The following VPS54 variants were observed in gnomAD, a reference collection of about 807,000 sequenced individuals.
The protein encoded by VPS54 is vacuolar protein sorting-associated protein 54.
VPS54 carries 45 observed loss-of-function variants against 121.5 expected under a neutral mutation model. The observed-to-expected ratio is 0.37, with a 90% CI of 0.29 to 0.47. The LOEUF is 0.47. Ranked by LOEUF, VPS54 falls within the 20% of genes least tolerant of loss-of-function variation. The pLI, the probability that VPS54 is intolerant of heterozygous loss-of-function variation, is 0.99. For synonymous variants in VPS54, 371 were observed against 385.8 expected, an observed-to-expected ratio of 0.96 and a Z score of 0.45; for missense variants, 1,090 against 1,131.4, an observed-to-expected ratio of 0.96 and a Z score of 0.52.
rs1676025455 is a variant in VPS54 at position 63,966,859 on chromosome 2, A to T, written c.493-893T>A. On this transcript the variant is annotated intron_variant, in intron 5 of 22. Transcript: ENST00000272322. ...TTACAATGAGTGTATTAATACATAA[A>T]GTATGCATATCTTTACATACATACT... Among the ~76,000 whole-genome samples the T allele has an allele frequency of 2.0e-5, 3 of 152,330 alleles. No individual in the cohort carries two copies. In the South Asian group the frequency reaches 6.2e-4, roughly 32 times the overall value.
Position 63,957,200 on chromosome 2 carries a change from T to C in VPS54, c.1010+4858A>G, listed in dbSNP as rs377315220. Among the ~76,000 whole-genome samples, 10 of 152,096 alleles carry C rather than the reference T, an allele frequency of 6.6e-5. 1 individual carries two copies. In the East Asian group the frequency reaches 9.6e-4, roughly 15 times the overall value. On this transcript the variant is annotated intron_variant, in intron 7 of 22. Transcript: ENST00000272322. ...GCTCACACCTGTAATCCCAGCACTT[T>C]GGGAGGCCAAGGCGGGCGGATCACG... is the stretch of plus-strand genomic sequence containing the variant.
Position 63,909,725 on chromosome 2 carries a change from G to GTTTTTGTT in VPS54, c.2625+2619_2625+2620insAACAAAAA, listed in dbSNP as rs747731456. Among the ~76,000 whole-genome samples the GTTTTTGTT allele has an allele frequency of 2.4e-4, 28 of 115,238 alleles. 1 individual carries two copies. Among genetic ancestry groups the GTTTTTGTT allele is most frequent in the East Asian group, 5.3e-4 (2 of 3,786 alleles). 75.6% of individuals were successfully genotyped at this position (115,238 alleles called of 152,430 possible). A position where few individuals can be genotyped will look rare whatever the true frequency, so the allele number is the denominator to read the frequency against. ...AAGCGACCTCGCCTGGCCGTTTTTG[G>GTTTTTGTT]TTTTTTTTTTTTTTTTGAGACAGAG... On this transcript the variant is annotated intron_variant, in intron 20 of 22. Coordinates refer to ENST00000272322, the MANE Select transcript of VPS54 (RefSeq NM_016516.3).
At chr2:63,920,172 C>A (rs1377365227) in intron 14 of VPS54, among the ~76,000 whole-genome samples, 177 bp from the exon 15 acceptor site, 2 of 152,008 alleles carry the variant, frequency 1.3e-5, no homozygotes, top group African/African-American at 4.8e-5. Context: ...TCAGCCTAAT[C>A]AAAAAGAATG....
chr2:63,908,006 TATA>T (rs1209589239), intron 20 of VPS54, among the ~76,000 whole-genome samples: 2 of 152,200 alleles, frequency 1.3e-5, no homozygotes, highest in African/African-American at 4.8e-5. Context: ...TGCAGTTTCT[TATA>T]AAGTTACCAT....
chr2:63,941,873 A>C (rs968909470), intron 11 of VPS54, among the ~76,000 whole-genome samples: 6 of 151,944 alleles, frequency 3.9e-5, no homozygotes, highest in African/African-American at 1.5e-4. Flanking sequence ...ATCTCTACTA[A>C]ACATGCAAAA....
At position 63,965,588 on chromosome 2, in the gene VPS54, A is replaced by G. The variant is rs534841888; in HGVS notation, c.624+247T>C. 8.1e-4 allele frequency among the ~76,000 whole-genome samples: 124 copies of G among 152,362 alleles called. 1 individual carries two copies. Among genetic ancestry groups the G allele is most frequent in the African/African-American group, 2.9e-3 (121 of 41,580 alleles). The stretch of plus-strand genomic sequence containing the variant: ...AATATAGCCTTTCAATTAAAATTCC[A>G]TCAACTGCTCTTTCAGGTAAGAAGC... On this transcript the variant is annotated intron_variant, in intron 6 of 22. Coordinates refer to ENST00000272322, the MANE Select transcript of VPS54 (RefSeq NM_016516.3).
At chr2:63,918,542 A>G (rs1673488901) in intron 15 of VPS54, among the ~76,000 whole-genome samples, 2 of 151,994 alleles carry the variant, frequency 1.3e-5, no homozygotes, top group Non-Finnish European at 1.5e-5. Flanking sequence ...CCAATATCAT[A>G]CCATCAAGTA....
chr2:63,995,981 G>A (rs1188926301), intron 1 of VPS54, among the ~76,000 whole-genome samples: 2 of 152,178 alleles, frequency 1.3e-5, no homozygotes, highest in African/African-American at 4.8e-5. Context: ...TAAGTCTATT[G>A]GGGGCTCCAC....
intron 7 of VPS54, among the ~76,000 whole-genome samples, chr2:63,956,680 G>A (rs956532502): frequency 7.2e-5 from 11 of 152,166 alleles, no homozygotes; most frequent in African/African-American, 2.7e-4. Flanking sequence ...TATCTGTAAA[G>A]TGTGGGTAAC....
intron 16 of VPS54, among the ~76,000 whole-genome samples, chr2:63,916,684 G>A (rs2104442694): frequency 6.6e-6 from 1 of 152,168 alleles, no homozygotes; most frequent in Admixed American, 6.5e-5. Context: ...TTTGTGTTAA[G>A]CCAGTGCAGT....
intron 6 of VPS54, among the ~76,000 whole-genome samples, chr2:63,965,148 T>C (rs1675934408): frequency 2.0e-5 from 3 of 152,156 alleles, no homozygotes; most frequent in Non-Finnish European, 2.9e-5. Context: ...TCGGAAAATA[T>C]TGGTTTTCTG....
chr2:63,983,724 G>A (rs879763000), intron 2 of VPS54, 140 bp downstream of exon 2: 4 of 1,098,832 alleles, frequency 3.6e-6, no homozygotes, highest in Non-Finnish European at 5.0e-6. Flanking sequence ...TTACAGGCGT[G>A]AGCCACCGTG....
Position 64,016,097 on chromosome 2 carries a change from A to C in VPS54, c.-21+2841T>G, listed in dbSNP as rs1576029229. On this transcript the variant is annotated intron_variant, in intron 1 of 22. Coordinates refer to ENST00000272322, the MANE Select transcript of VPS54 (RefSeq NM_016516.3). Reference sequence around the variant, plus strand: ...CATGTTTCCTCATCTGGTTGCTGCCAACTAATAGCGAGGTAAGCAGGAAGT... The same window carrying C: ...CATGTTTCCTCATCTGGTTGCTGCCCACTAATAGCGAGGTAAGCAGGAAGT... Among the ~76,000 whole-genome samples the C allele has an allele frequency of 4.6e-5, 7 of 152,294 alleles. No homozygotes were observed. In the South Asian group the frequency reaches 1.5e-3, roughly 32 times the overall value.
At chr2:63,987,628 T>G (rs1246594772) in intron 1 of VPS54, among the ~76,000 whole-genome samples, 1 of 152,140 alleles carries the variant, frequency 6.6e-6, no homozygotes, top group Non-Finnish European at 1.5e-5. Context: ...GTATGGACAT[T>G]TTAACAATAT....
chr2:63,954,114 C>T (rs573007105), intron 7 of VPS54, among the ~76,000 whole-genome samples: 1 of 152,250 alleles, frequency 6.6e-6, no homozygotes, highest in South Asian at 2.1e-4. Flanking sequence ...TTTCTAAATA[C>T]TATTTCCTAC....
At chr2:63,921,092 A>G (rs534571675) in intron 13 of VPS54, 114 bp downstream of exon 13, 5 of 1,170,866 alleles carry the variant, frequency 4.3e-6, no homozygotes, top group Non-Finnish European at 5.7e-6. Context: ...CACTGACTTT[A>G]TTAAATGTTA....
chr2:63,929,598 T>G (rs1674085199), intron 12 of VPS54, among the ~76,000 whole-genome samples: 1 of 149,078 alleles, frequency 6.7e-6, no homozygotes, highest in African/African-American at 2.5e-5. Flanking sequence ...ACATCACAAT[T>G]AAAAGAACTA....
chr2:63,948,154 G>C (rs1675076610), intron 8 of VPS54, among the ~76,000 whole-genome samples: 1 of 152,046 alleles, frequency 6.6e-6, no homozygotes, highest in South Asian at 2.1e-4. Context: ...GCATAGTCTA[G>C]AAGACTGAAA....
At chr2:63,953,657 T>C (rs1197505200) in intron 7 of VPS54, among the ~76,000 whole-genome samples, 1 of 152,138 alleles carries the variant, frequency 6.6e-6, no homozygotes. Context: ...GAGAACAGTA[T>C]GTACAGTGCG....
Sources: gnomAD v4.1 joint callset for allele counts (sites outside exome capture counted in the v4.1 genomes callset) on GRCh38, gnomAD v4.1.1 for gene constraint, MANE v1.5 for transcripts, NCBI Gene and HGNC (gene_info 2026-07-23, HGNC 2026-07-21) for gene names.